CAMTA1: variants seen among roughly 807,000 people sequenced by gnomAD.
The protein encoded by CAMTA1 is calmodulin-binding transcription activator 1.
In CAMTA1, 27 loss-of-function variants were observed where a neutral mutation model predicts 170.9. The ratio of observed to expected loss-of-function variants is 0.16; its 90% CI spans 0.12 to 0.22. The LOEUF (loss-of-function observed/expected upper bound fraction) is 0.22. Among genes scored for constraint, CAMTA1 ranks in the 10% least tolerant of loss-of-function variants. The pLI is 1.00. For synonymous variants in CAMTA1, 833 were observed against 891.5 expected, an observed-to-expected ratio of 0.93 and a Z score of 1.17; for missense variants, 1,619 against 2,217.2, an observed-to-expected ratio of 0.73 and a Z score of 5.42.
intron 11 of CAMTA1, among the ~76,000 whole-genome samples, chr1:7,704,065 G>C (rs2096474466): frequency 6.6e-6 from 1 of 151,794 alleles, no homozygotes; most frequent in African/African-American, 2.4e-5. Flanking sequence ...GCCCTCCCCG[G>C]GTCCTCGGGC....
At chr1:6,884,335 C>CACACACACAA (rs776481131) in intron 3 of CAMTA1, among the ~76,000 whole-genome samples, 4,201 of 143,704 alleles carry the variant, frequency 0.029, 75 homozygotes, top group Non-Finnish European at 0.04. Flanking sequence ...CACACACACA[C>CACACACACAA]AATTTTGTTT....
At chr1:7,386,124 C>T (rs1343763850) in intron 5 of CAMTA1, among the ~76,000 whole-genome samples, 2 of 152,236 alleles carry the variant, frequency 1.3e-5, no homozygotes, top group African/African-American at 4.8e-5. Flanking sequence ...GCGCACAGCC[C>T]CAGCCCGCTG....
At chr1:7,326,441 G>A (rs2082682063) in intron 5 of CAMTA1, among the ~76,000 whole-genome samples, 1 of 152,196 alleles carries the variant, frequency 6.6e-6, no homozygotes, top group South Asian at 2.1e-4. Context: ...CTGTGAATGT[G>A]ACCTCATTTA....
intron 1 of CAMTA1, among the ~76,000 whole-genome samples, chr1:6,790,258 C>A (rs965636374): frequency 2.0e-5 from 3 of 151,636 alleles, no homozygotes; most frequent in Admixed American, 1.3e-4. Flanking sequence ...TCTTGTTGAA[C>A]CTTTTTTCCT....
chr1:7,667,180 C>T (rs974097396), intron 9 of CAMTA1, among the ~76,000 whole-genome samples: 1 of 152,092 alleles, frequency 6.6e-6, no homozygotes. Flanking sequence ...TGAGCCACCA[C>T]ACCCGGCCCT....
In CAMTA1 at chr1:7,661,882, C is replaced by T. The variant is rs373963481; in HGVS notation, c.805+16C>T. ...GGCAGCCTGGGTGAGCCGGGGCTCC[C>T]GGGGCAGGCGGGCGCCACGGGGACA... On this transcript the variant is annotated intron_variant, in intron 8 of 22. Coordinates refer to ENST00000303635, the MANE Select transcript of CAMTA1 (RefSeq NM_015215.4). 75 of 1,590,260 alleles carry T rather than the reference C, an allele frequency of 4.7e-5. No individual in the cohort carries two copies. Among genetic ancestry groups the T allele is most frequent in the Non-Finnish European group, 6.1e-5 (71 of 1,168,520 alleles).
chr1:7,439,419 T>G (rs2092452348), intron 5 of CAMTA1, among the ~76,000 whole-genome samples: 1 of 152,096 alleles, frequency 6.6e-6, no homozygotes, highest in African/African-American at 2.4e-5. Context: ...GAGTGGACAC[T>G]ACCCTGAAGC....
chr1:7,241,554 A>G (rs1664859986), intron 4 of CAMTA1, among the ~76,000 whole-genome samples: 1 of 152,272 alleles, frequency 6.6e-6, no homozygotes, highest in Non-Finnish European at 1.5e-5. Context: ...AAAACTTATT[A>G]TAAAGCTGCT....
At chr1:6,793,596 G>A (rs908419106) in intron 1 of CAMTA1, among the ~76,000 whole-genome samples, 4 of 152,138 alleles carry the variant, frequency 2.6e-5, no homozygotes, top group Admixed American at 6.5e-5. Flanking sequence ...TATGATAAGG[G>A]ATACATCAGA....
rs2096084422 is a variant in CAMTA1 at position 7,673,863 on chromosome 1, G to C, written c.2779+2826G>C. ...CCTGCTTGCTCTGCACAGAGTAGGG[G>C]CCTGGAATGGAGCAAACAATAAGAC... is the stretch of plus-strand genomic sequence containing the variant. On this transcript the variant is annotated intron_variant, in intron 10 of 22. Transcript: ENST00000303635. The surrounding 1 kb of genome is among the most constrained non-coding windows in gnomAD (Gnocchi z 4.6). Among the ~76,000 whole-genome samples, 1 of 152,174 alleles carries C rather than the reference G, an allele frequency of 6.6e-6. No individual in the cohort carries two copies. Among genetic ancestry groups the C allele is most frequent in the African/African-American group, 2.4e-5 (1 of 41,430 alleles).
At chr1:6,879,195 T>C (rs1398724361) in intron 3 of CAMTA1, among the ~76,000 whole-genome samples, 4 of 152,224 alleles carry the variant, frequency 2.6e-5, no homozygotes, top group Admixed American at 1.3e-4. Flanking sequence ...TTTATCTTAA[T>C]ACCATCTATA....
intron 5 of CAMTA1, among the ~76,000 whole-genome samples, chr1:7,262,541 G>C (rs1359706163): frequency 6.6e-6 from 1 of 152,170 alleles, no homozygotes; most frequent in East Asian, 1.9e-4. Context: ...AAGCCTGGGG[G>C]ACAAGAGCAG....
intron 4 of CAMTA1, among the ~76,000 whole-genome samples, chr1:7,118,847 C>A (rs1644487523): frequency 6.6e-6 from 1 of 152,150 alleles, no homozygotes; most frequent in Non-Finnish European, 1.5e-5. Context: ...ACAACGGGAA[C>A]CTTGCCATTG....
At chr1:7,522,617 T>C (rs1394947370) in intron 6 of CAMTA1, among the ~76,000 whole-genome samples, 1 of 152,252 alleles carries the variant, frequency 6.6e-6, no homozygotes, top group Non-Finnish European at 1.5e-5. Context: ...ATTTTACATT[T>C]AAGTCCGTAA....
At position 7,146,744 on chromosome 1, in the gene CAMTA1, A is replaced by G. The variant is rs954209947; in HGVS notation, c.302+55373A>G. 2.0e-5 allele frequency among the ~76,000 whole-genome samples: 3 copies of G among 151,976 alleles called. No homozygotes were observed. The highest frequency in any genetic ancestry group is 4.4e-5 in the Non-Finnish European group (3 of 67,986). On this transcript the variant is annotated intron_variant, in intron 4 of 22. Coordinates refer to ENST00000303635, the MANE Select transcript of CAMTA1 (RefSeq NM_015215.4). This position sits in a 1 kb window ranked among gnomAD's most constrained non-coding sequence, Gnocchi z 4.3. ...TTGCACACACACAAACACACACTCA[A>G]ACATAAACCATGCACACACACACAC...
At chr1:6,800,533 G>A (rs958267937) in intron 1 of CAMTA1, among the ~76,000 whole-genome samples, 2 of 152,050 alleles carry the variant, frequency 1.3e-5, no homozygotes, top group Admixed American at 6.5e-5. Flanking sequence ...TCATAGTTTT[G>A]GAAAATAGAC....
In CAMTA1 at chr1:7,573,035, C is replaced by CT. The variant is rs142088488; in HGVS notation, c.511-67363dup. 9.6e-3 allele frequency among the ~76,000 whole-genome samples: 1,463 copies of CT among 152,318 alleles called. 11 individuals are homozygous for CT. Among genetic ancestry groups the CT allele is most frequent in the South Asian group, 0.024 (117 of 4,828 alleles). Reference sequence around the variant, plus strand: ...CCTGTGTTCTACCAGGAAGCAATGTCTTATTTTAAGCCATATTTGTTTTTC... The same window carrying CT: ...CCTGTGTTCTACCAGGAAGCAATGTCTTTATTTTAAGCCATATTTGTTTTTC... On this transcript the variant is annotated intron_variant, in intron 6 of 22. Transcript: ENST00000303635.
intron 11 of CAMTA1, among the ~76,000 whole-genome samples, chr1:7,717,944 T>G (rs34956146): frequency 0.093 from 14,195 of 152,242 alleles, 802 homozygotes; most frequent in Middle Eastern, 0.22. Context: ...CAATAAATAT[T>G]TACAGAGGGC....
chr1:7,606,150 C>G (rs1576362924), intron 6 of CAMTA1, among the ~76,000 whole-genome samples: 1 of 152,106 alleles, frequency 6.6e-6, no homozygotes, highest in East Asian at 1.9e-4. Context: ...TGGTCAAGCC[C>G]CCAGCCCTGG....
Sources: allele counts gnomAD v4.1 joint callset (sites outside exome capture counted in the v4.1 genomes callset), GRCh38; gene constraint gnomAD v4.1.1; non-coding constraint Gnocchi (gnomAD v3.1); transcripts MANE v1.5; gene names NCBI Gene and HGNC (gene_info 2026-07-23, HGNC 2026-07-21).